CSMD1: variants seen among roughly 807,000 people sequenced by gnomAD.
CSMD1 encodes the protein CUB and Sushi multiple domains 1, also known as CUB and sushi domain-containing protein 1.
CSMD1 carries 213 observed loss-of-function variants against 417.5 expected under a neutral mutation model. The ratio of observed to expected loss-of-function variants is 0.51; its 90% CI spans 0.46 to 0.57. The LOEUF is 0.57. Ranked by LOEUF, CSMD1 falls within the 20% of genes least tolerant of loss-of-function variation. The pLI is 0.00. For missense variants in CSMD1, 6,923 were observed against 4,529.7 expected (o/e 1.53, Z -15.17); for synonymous variants, 2,862 against 1,736.8 (o/e 1.65, Z -16.11).
chr8:4,494,812 G>C (rs1243781090), intron 2 of CSMD1, among the ~76,000 whole-genome samples: 1 of 151,958 alleles, frequency 6.6e-6, no homozygotes, highest in African/African-American at 2.4e-5. Context: ...AAATAGACTA[G>C]GAAAGAGAAT....
intron 3 of CSMD1, among the ~76,000 whole-genome samples, chr8:4,069,886 G>C (rs192725291): frequency 1.6e-3 from 245 of 152,032 alleles, no homozygotes; most frequent in Non-Finnish European, 2.9e-3. Flanking sequence ...AAGGTGTTTT[G>C]TTTTGTTTTG....
chr8:3,219,788 C>G (rs1798095616), intron 28 of CSMD1, among the ~76,000 whole-genome samples: 1 of 152,150 alleles, frequency 6.6e-6, no homozygotes, highest in Non-Finnish European at 1.5e-5. Flanking sequence ...GAACCAAGCT[C>G]AAAAGAGACA....
intron 37 of CSMD1, among the ~76,000 whole-genome samples, chr8:3,164,431 A>C (rs2129041256): frequency 6.6e-6 from 1 of 152,356 alleles, no homozygotes; most frequent in South Asian, 2.1e-4. Context: ...AAAACTGCTA[A>C]ATATGAAAAA....
intron 30 of CSMD1, among the ~76,000 whole-genome samples, chr8:3,207,136 T>A (rs1055511769): frequency 3.6e-5 from 5 of 140,382 alleles, no homozygotes; most frequent in Non-Finnish European, 7.5e-5. Context: ...CATTTTCTTT[T>A]TTTTTTTTCA....
At chr8:4,731,727 C>A (rs1459553886) in intron 1 of CSMD1, among the ~76,000 whole-genome samples, 1 of 152,118 alleles carries the variant, frequency 6.6e-6, no homozygotes, top group Non-Finnish European at 1.5e-5. Context: ...GACCCAGGAA[C>A]AGCAGCCACA....
intron 3 of CSMD1, among the ~76,000 whole-genome samples, chr8:4,187,500 C>T (rs763643078): frequency 6.6e-6 from 1 of 151,934 alleles, no homozygotes; most frequent in Non-Finnish European, 1.5e-5. Context: ...AAAAAATCAG[C>T]CTGGGTGGTG....
chr8:4,380,999 T>C (rs1436013715), intron 3 of CSMD1, among the ~76,000 whole-genome samples: 1 of 152,156 alleles, frequency 6.6e-6, no homozygotes, highest in Non-Finnish European at 1.5e-5. Flanking sequence ...CGTATCTCAC[T>C]GCCAGAACTC....
chr8:4,135,865 G>T (rs955713564), intron 3 of CSMD1, among the ~76,000 whole-genome samples: 6 of 152,084 alleles, frequency 3.9e-5, no homozygotes, highest in Non-Finnish European at 8.8e-5. Context: ...AATCTAATAA[G>T]AAAAATGTTC....
intron 3 of CSMD1, among the ~76,000 whole-genome samples, chr8:4,381,313 G>C (rs1332425041): frequency 6.6e-6 from 1 of 152,134 alleles, no homozygotes; most frequent in Non-Finnish European, 1.5e-5. Context: ...GTGGGGAATT[G>C]CACTGGCTAT....
chr8:4,078,086 C>G (rs1326766090), intron 3 of CSMD1, among the ~76,000 whole-genome samples: 1 of 151,982 alleles, frequency 6.6e-6, no homozygotes, highest in African/African-American at 2.4e-5. Flanking sequence ...GCCTACATGC[C>G]AAAGAGAGAA....
chr8:4,264,512 C>G (rs914356021), intron 3 of CSMD1, among the ~76,000 whole-genome samples: 2 of 152,290 alleles, frequency 1.3e-5, no homozygotes, highest in Admixed American at 6.5e-5. Context: ...TGTACCCCCC[C>G]TGAAGCTGAG....
intron 5 of CSMD1, among the ~76,000 whole-genome samples, chr8:3,933,638 T>A (rs766097450): frequency 1.3e-5 from 2 of 152,202 alleles, no homozygotes; most frequent in African/African-American, 4.8e-5. Flanking sequence ...AGTCTCTATA[T>A]TGAAGAGATT....
chr8:4,287,136 G>A (rs770780374), intron 3 of CSMD1, among the ~76,000 whole-genome samples: 4 of 152,198 alleles, frequency 2.6e-5, no homozygotes, highest in Non-Finnish European at 4.4e-5. Context: ...CACCTAGTCT[G>A]TTAATGTGGA....
chr8:3,082,416 T>A (rs1814170382), intron 49 of CSMD1, among the ~76,000 whole-genome samples: 1 of 152,184 alleles, frequency 6.6e-6, no homozygotes, highest in African/African-American at 2.4e-5. Context: ...CCCTTCACAT[T>A]CCAGCTCAGA....
chr8:4,157,057 C>G (rs7821609), intron 3 of CSMD1, among the ~76,000 whole-genome samples: 43,793 of 152,026 alleles, frequency 0.29, 6,876 homozygotes, highest in African/African-American at 0.41. Flanking sequence ...AGCCTGTAGA[C>G]CAGAACAGGG....
At chr8:3,308,262 C>T (rs758754567) in intron 24 of CSMD1, 50 bp downstream of exon 24, 10 of 1,419,510 alleles carry the variant, frequency 7.0e-6, no homozygotes, top group South Asian at 5.4e-5. Flanking sequence ...ATGGTGCAAG[C>T]ACCCTAAGGC....
At chr8:3,577,715 C>G (rs1800210638) in intron 9 of CSMD1, among the ~76,000 whole-genome samples, 1 of 152,168 alleles carries the variant, frequency 6.6e-6, no homozygotes, top group Non-Finnish European at 1.5e-5. Flanking sequence ...TTGTTGAAAG[C>G]TTGTGCTACT....
intron 5 of CSMD1, among the ~76,000 whole-genome samples, chr8:3,996,443 G>GGT (rs774161194): frequency 0.086 from 6,678 of 77,980 alleles, 179 homozygotes; most frequent in East Asian, 0.14. Context: ...TCATTTTTAA[G>GGT]ATTTTTTTTT....
chr8:4,277,552 G>C (rs973902627), intron 3 of CSMD1, among the ~76,000 whole-genome samples: 12 of 152,034 alleles, frequency 7.9e-5, no homozygotes, highest in Admixed American at 2.0e-4. Context: ...TGAAATTATA[G>C]ACATGGATAG....
Sources: allele counts gnomAD v4.1 joint callset (sites outside exome capture counted in the v4.1 genomes callset), GRCh38; gene constraint gnomAD v4.1.1; transcripts MANE v1.5; gene names NCBI Gene and HGNC (gene_info 2026-07-23, HGNC 2026-07-21).